Variants in ANKFY1 observed in about 807,000 individuals in gnomAD.
ANKFY1 encodes the protein ankyrin repeat and FYVE domain-containing protein 1.
In ANKFY1, 47 loss-of-function variants were observed where a neutral mutation model predicts 128.3. The ratio of observed to expected loss-of-function variants is 0.37; its 90% confidence interval spans 0.29 to 0.47. The LOEUF is 0.47. Ranked by LOEUF, ANKFY1 falls within the 20% of genes least tolerant of loss-of-function variation. The probability of loss-of-function intolerance (pLI) is 1.00; values close to 1 mark genes in which losing one functional copy is unlikely to be tolerated. For missense variants in ANKFY1, 1,222 were observed against 1,510.6 expected (o/e 0.81, Z 3.17); for synonymous variants, 553 against 601.6 (o/e 0.92, Z 1.18).
chr17:4,179,701 G>T lies in ANKFY1; in HGVS notation c.2397+20C>A, dbSNP rs779035366. ...ATGCTGGGGCTACACCTCTCTCCCC[G>T]GAAAAGAGAAACGACACACCTGTGC... On this transcript the variant is annotated intron_variant, in intron 17 of 24. Coordinates refer to ENST00000341657, the MANE Select transcript of ANKFY1 (RefSeq NM_001330063.2). The T allele has an allele frequency of 1.9e-6, 3 of 1,611,884 alleles. No individual in the cohort carries two copies. In the South Asian group the frequency reaches 3.3e-5, roughly 18 times the overall value.
At chr17:4,177,389 G>C in intron 18 of ANKFY1, 87 bp from the exon 19 acceptor site, 1 of 1,266,950 alleles carries the variant, frequency 7.9e-7, no homozygotes, top group Non-Finnish European at 1.1e-6. Context: ...GACCACTGGA[G>C]AGGTCACGAT....
rs186987266 is a variant in ANKFY1, at chr17:4,217,407, G to A, written c.323-289C>T. 3.9e-5 allele frequency among the ~76,000 whole-genome samples: 6 copies of A among 152,200 alleles called. No individual in the cohort carries two copies. In the East Asian group the frequency reaches 5.8e-4, roughly 15 times the overall value. ...ACTAAAAATACAAAAAAAATTAGCC[G>A]GGCCTGGTGGCGTGCACCTGTAATC... On this transcript the variant is annotated intron_variant, in intron 3 of 24. Transcript: ENST00000341657.
At chr17:4,208,351 G>C (rs1158421931) in intron 5 of ANKFY1, among the ~76,000 whole-genome samples, 1 of 152,164 alleles carries the variant, frequency 6.6e-6, no homozygotes, top group South Asian at 2.1e-4. Context: ...CTGACGTTCC[G>C]AGCCTCACTC....
At chr17:4,243,679 T>C (rs755822775) in intron 1 of ANKFY1, among the ~76,000 whole-genome samples, 22 of 152,180 alleles carry the variant, frequency 1.4e-4, no homozygotes, top group African/African-American at 4.8e-4. Context: ...ATATGAACTA[T>C]GCTCTCCAAC....
At chr17:4,251,499 A>T (rs978901355) in intron 1 of ANKFY1, among the ~76,000 whole-genome samples, 37 of 150,930 alleles carry the variant, frequency 2.5e-4, no homozygotes, top group African/African-American at 8.7e-4. Context: ...GCTTCAAATC[A>T]TTGACAGGTA....
Position 4,169,600 on chromosome 17 carries a change from C to A in ANKFY1, c.3287-312G>T, listed in dbSNP as rs1241086678. On this transcript the variant is annotated intron_variant, in intron 23 of 24. Transcript: ENST00000341657. This position sits in a 1 kb window ranked among gnomAD's most constrained non-coding sequence, Gnocchi z 5.0. ...AGGCACGGTAGGGAGAGAACAGAGA[C>A]CACACAGCTAGACAAACTGGCCAGG... is the stretch of plus-strand genomic sequence containing the variant. Among the ~76,000 whole-genome samples the A allele has an allele frequency of 6.6e-6, 1 of 152,100 alleles. No individual in the cohort carries two copies. Among genetic ancestry groups the A allele is most frequent in the African/African-American group, 2.4e-5 (1 of 41,418 alleles).
At chr17:4,229,493 T>G (rs1033553680) in intron 3 of ANKFY1, among the ~76,000 whole-genome samples, 1 of 151,558 alleles carries the variant, frequency 6.6e-6, no homozygotes, top group African/African-American at 2.4e-5. Context: ...TCAAAGGAAT[T>G]TCAAAGAAAG....
chr17:4,194,099 A>ATTT (rs1261498698), intron 10 of ANKFY1, among the ~76,000 whole-genome samples: 24 of 96,994 alleles, frequency 2.5e-4, no homozygotes, highest in African/African-American at 1.1e-3. Context: ...ATATATATAT[A>ATTT]TATATTTTTT....
intron 2 of ANKFY1, among the ~76,000 whole-genome samples, chr17:4,237,902 G>A (rs1415419788): frequency 6.6e-6 from 1 of 152,098 alleles, no homozygotes; most frequent in Non-Finnish European, 1.5e-5. Context: ...GAGGCAAAGA[G>A]TTTCTTGTTA....
At chr17:4,177,021 G>A (rs1325504345) in intron 19 of ANKFY1, 105 bp downstream of exon 19, 3 of 1,228,554 alleles carry the variant, frequency 2.4e-6, no homozygotes, top group Non-Finnish European at 2.2e-6. Context: ...AATTCCCCAG[G>A]TGCTTTCACA....
At chr17:4,240,948 C>A (rs1967178423) in intron 2 of ANKFY1, among the ~76,000 whole-genome samples, 1 of 152,230 alleles carries the variant, frequency 6.6e-6, no homozygotes, top group Non-Finnish European at 1.5e-5. Context: ...TGTAATACCA[C>A]TGTCTTTACC....
chr17:4,164,718 A>T lies in ANKFY1; in HGVS notation c.*3061T>A, dbSNP rs1567897636. ...TCCCTCCACTCCGTGCCCGTGGAGA[A>T]GATTAGTGCAGAAACGGTTCAATAT... On this transcript the variant is annotated 3_prime_UTR_variant, in exon 25 of 25. Transcript: ENST00000341657. 6.6e-6 allele frequency: 1 copy of T among 152,302 alleles called. No homozygotes were observed. The highest frequency in any genetic ancestry group is 1.5e-5 in the Non-Finnish European group (1 of 68,056). The allele number at this position is 152,302 out of a possible 1,614,324, so 9.4% of individuals were successfully genotyped here.
chr17:4,216,671 C>T (rs2060225028), intron 4 of ANKFY1: 1 of 366,932 alleles, frequency 2.7e-6, no homozygotes. Context: ...TCAAGGGAAA[C>T]AGAAAGGGAA....
intron 3 of ANKFY1, among the ~76,000 whole-genome samples, chr17:4,225,396 G>T (rs1272710330): frequency 6.6e-6 from 1 of 151,912 alleles, no homozygotes; most frequent in African/African-American, 2.4e-5. Flanking sequence ...AAAAAATCTT[G>T]GTAGACAGTA....
chr17:4,212,073 G>T (rs1271207248), intron 4 of ANKFY1, among the ~76,000 whole-genome samples: 1 of 152,190 alleles, frequency 6.6e-6, no homozygotes. Context: ...GCCTTAGGGA[G>T]TCTCCCATGA....
intron 16 of ANKFY1, among the ~76,000 whole-genome samples, chr17:4,180,738 G>A (rs2033742): frequency 0.57 from 80,437 of 141,844 alleles, 25,935 homozygotes; most frequent in East Asian, 0.82. Context: ...TCTAGCCTGG[G>A]TGAGAGAGCA....
intron 1 of ANKFY1, among the ~76,000 whole-genome samples, chr17:4,253,434 T>C (rs538502709): frequency 4.9e-4 from 75 of 152,336 alleles, no homozygotes; most frequent in African/African-American, 1.6e-3. Context: ...ATTTTATTGT[T>C]TGTCAATTAC....
In ANKFY1 at chr17:4,217,051, C is replaced by T; in HGVS notation, c.390G>A (p.Glu130=). Reference sequence around the variant, plus strand: ...TCAGTTCAGTCAGGAACACATCATCCTCTCTGAACTCCAGCTCATCTGTAT... The same window carrying T: ...TCAGTTCAGTCAGGAACACATCATCTTCTCTGAACTCCAGCTCATCTGTAT... ...WIYTDELEFR[E]DDVFLTELMK... is the part of the protein sequence containing the mutation. Residue 130 remains glutamate, a synonymous_variant, in exon 4 of 25, where the codon GAG becomes GAA. Coordinates refer to ENST00000341657, the MANE Select transcript of ANKFY1 (RefSeq NM_001330063.2). 1.5e-5 allele frequency: 25 copies of T among 1,614,096 alleles called. No individual in the cohort carries two copies. Among genetic ancestry groups the T allele is most frequent in the Non-Finnish European group, 2.1e-5 (25 of 1,180,030 alleles).
At chr17:4,173,535 G>C in intron 20 of ANKFY1, 91 bp from the exon 21 acceptor site, 1 of 1,242,696 alleles carries the variant, frequency 8.0e-7, no homozygotes, top group Non-Finnish European at 1.2e-6. Flanking sequence ...CTCTGTAAAT[G>C]GGACCCGGCC....
Sources: gnomAD v4.1 joint callset for allele counts (sites outside exome capture counted in the v4.1 genomes callset) on GRCh38, gnomAD v4.1.1 for gene constraint, Gnocchi (gnomAD v3.1) non-coding constraint, MANE v1.5 for transcripts, NCBI Gene and HGNC (gene_info 2026-07-23, HGNC 2026-07-21) for gene names.